ZFAND3: variants seen among roughly 807,000 people sequenced by gnomAD.
ZFAND3 encodes the protein zinc finger AN1-type containing 3.
In ZFAND3, 10 loss-of-function variants were observed where a neutral mutation model predicts 29.6. The observed-to-expected ratio is 0.34, with a 90% CI of 0.21 to 0.57. The LOEUF is 0.57. Ranked by LOEUF, ZFAND3 falls within the 20% of genes least tolerant of loss-of-function variation. ZFAND3 has a pLI of 0.86. For synonymous variants in ZFAND3, 128 were observed against 112.6 expected, an observed-to-expected ratio of 1.14 and a Z score of -0.87; for missense variants, 230 against 304.5, an observed-to-expected ratio of 0.76 and a Z score of 1.82.
At chr6:38,048,044 G>T (rs979184330) in intron 2 of ZFAND3, among the ~76,000 whole-genome samples, 95 of 148,068 alleles carry the variant, frequency 6.4e-4, no homozygotes, top group Admixed American at 1.0e-3. Flanking sequence ...TCACTCTGTT[G>T]TCCAGGCTGG....
intron 2 of ZFAND3, among the ~76,000 whole-genome samples, chr6:38,048,713 CA>C (rs775770950): frequency 6.6e-6 from 1 of 151,238 alleles, no homozygotes; most frequent in African/African-American, 2.4e-5. Context: ...AACGTTTTTG[CA>C]GTTGAGGAAA....
chr6:38,138,503 G>A (rs557281676), intron 5 of ZFAND3, among the ~76,000 whole-genome samples: 10 of 152,268 alleles, frequency 6.6e-5, no homozygotes, highest in Admixed American at 4.6e-4. Flanking sequence ...CAGGCAACAC[G>A]CCTGAGCTCT....
chr6:37,849,414 C>A (rs1373533194), intron 1 of ZFAND3, among the ~76,000 whole-genome samples: 1 of 151,946 alleles, frequency 6.6e-6, no homozygotes, highest in African/African-American at 2.4e-5. Context: ...TATTTTTCTT[C>A]TTATTATTTT....
At chr6:38,135,375 T>C (rs1765819241) in intron 5 of ZFAND3, among the ~76,000 whole-genome samples, 2 of 152,250 alleles carry the variant, frequency 1.3e-5, no homozygotes, top group South Asian at 2.1e-4. Context: ...AAGAAATTTC[T>C]CACCTTTCTA....
chr6:37,885,326 A>C (rs1168505461), intron 1 of ZFAND3, among the ~76,000 whole-genome samples: 1 of 152,186 alleles, frequency 6.6e-6, no homozygotes, highest in Non-Finnish European at 1.5e-5. Context: ...CCTCATCCCT[A>C]GGAATACATT....
At chr6:38,058,921 T>A (rs929284803) in intron 2 of ZFAND3, among the ~76,000 whole-genome samples, 1 of 152,210 alleles carries the variant, frequency 6.6e-6, no homozygotes, top group African/African-American at 2.4e-5. Flanking sequence ...AAATGCTAGC[T>A]ATTCTTACGC....
intron 4 of ZFAND3, among the ~76,000 whole-genome samples, chr6:38,100,940 CT>C (rs1298789140): frequency 3.3e-5 from 5 of 152,112 alleles, no homozygotes; most frequent in African/African-American, 1.2e-4. Flanking sequence ...ACATGACACC[CT>C]TTTATACCAA....
At chr6:37,902,080 TAG>T (rs1765328115) in intron 1 of ZFAND3, among the ~76,000 whole-genome samples, 1 of 152,158 alleles carries the variant, frequency 6.6e-6, no homozygotes. Flanking sequence ...TTGGAAAGTA[TAG>T]ATACTGCCTG....
At chr6:37,836,814 ACTT>A (rs1015951620) in intron 1 of ZFAND3, among the ~76,000 whole-genome samples, 1 of 152,126 alleles carries the variant, frequency 6.6e-6, no homozygotes, top group Non-Finnish European at 1.5e-5. Flanking sequence ...TTGAACTTCA[ACTT>A]CTTAGTCTTC....
chr6:37,850,768 A>G (rs1764265758), intron 1 of ZFAND3, among the ~76,000 whole-genome samples: 1 of 152,122 alleles, frequency 6.6e-6, no homozygotes, highest in Non-Finnish European at 1.5e-5. Flanking sequence ...ATGCATGACT[A>G]TAGTTAACGG....
rs148619208 is a variant in ZFAND3, at chr6:37,995,189, C to T, written c.112+65190C>T. Among the ~76,000 whole-genome samples, 405 of 152,250 alleles carry T rather than the reference C, an allele frequency of 2.7e-3. 6 individuals carry two copies. Among genetic ancestry groups the T allele is most frequent in the African/African-American group, 9.3e-3 (388 of 41,556 alleles). Reference sequence around the variant, plus strand: ...GACTCTTGACAGATCCTATTAACCCCATGTTTTTTTCTTCTTCTTTTGAGG... The same window carrying T: ...GACTCTTGACAGATCCTATTAACCCTATGTTTTTTTCTTCTTCTTTTGAGG... On this transcript the variant is annotated intron_variant, in intron 2 of 5. Coordinates refer to ENST00000287218, the MANE Select transcript of ZFAND3 (RefSeq NM_021943.3).
chr6:37,865,052 C>T (rs1272579169), intron 1 of ZFAND3, among the ~76,000 whole-genome samples: 2 of 152,196 alleles, frequency 1.3e-5, no homozygotes, highest in Admixed American at 6.5e-5. Flanking sequence ...GTGGCGGGCA[C>T]CTATAATCTC....
chr6:37,849,516 C>G (rs75723288), intron 1 of ZFAND3, among the ~76,000 whole-genome samples: 1 of 152,166 alleles, frequency 6.6e-6, no homozygotes, highest in Non-Finnish European at 1.5e-5. Context: ...TCAAGTGATT[C>G]TCCTGCGTCA....
At chr6:37,979,344 T>C (rs1762541824) in intron 2 of ZFAND3, among the ~76,000 whole-genome samples, 1 of 152,234 alleles carries the variant, frequency 6.6e-6, no homozygotes, top group Admixed American at 6.5e-5. Context: ...TGTATTTGAT[T>C]ATCTGTGTTT....
chr6:37,876,568 T>C (rs1313715548), intron 1 of ZFAND3, among the ~76,000 whole-genome samples: 1 of 152,236 alleles, frequency 6.6e-6, no homozygotes, highest in Non-Finnish European at 1.5e-5. Context: ...GGAGTTCTTG[T>C]ATATATTCAT....
At chr6:37,895,459 C>CTTTTTTTTTTT (rs11331881) in intron 1 of ZFAND3, among the ~76,000 whole-genome samples, 33 of 76,768 alleles carry the variant, frequency 4.3e-4, no homozygotes, top group East Asian at 1.3e-3. Flanking sequence ...CTCAGAGGTT[C>CTTTTTTTTTTT]TTTTTTTTTT....
At chr6:37,899,134 C>T (rs1037309461) in intron 1 of ZFAND3, among the ~76,000 whole-genome samples, 4 of 152,076 alleles carry the variant, frequency 2.6e-5, no homozygotes, top group Non-Finnish European at 4.4e-5. Flanking sequence ...CTCCTGACCT[C>T]GTGATCCACC....
At chr6:38,104,299 A>G (rs1765165491) in intron 4 of ZFAND3, among the ~76,000 whole-genome samples, 2 of 149,092 alleles carry the variant, frequency 1.3e-5, no homozygotes, top group South Asian at 4.4e-4. Context: ...GCTGTAGGAC[A>G]CTCTCGGGGT....
chr6:37,896,941 T>A (rs1236273681), intron 1 of ZFAND3, among the ~76,000 whole-genome samples: 1 of 152,168 alleles, frequency 6.6e-6, no homozygotes, highest in Non-Finnish European at 1.5e-5. Context: ...TTGTTTATTC[T>A]TTTTGGTTTT....
Sources: allele counts gnomAD v4.1 joint callset (sites outside exome capture counted in the v4.1 genomes callset), GRCh38; gene constraint gnomAD v4.1.1; transcripts MANE v1.5; gene names NCBI Gene and HGNC (gene_info 2026-07-23, HGNC 2026-07-21).